PPP2R5A: variants seen among roughly 807,000 people sequenced by gnomAD.
PPP2R5A encodes the protein serine/threonine-protein phosphatase 2A 56 kDa regulatory subunit alpha isoform.
PPP2R5A carries 25 observed loss-of-function variants against 64.2 expected under a neutral mutation model. That is an observed-to-expected ratio of 0.39 (90% confidence interval 0.28 to 0.54). The LOEUF (loss-of-function observed/expected upper bound fraction) is 0.54, where lower values mean the gene tolerates loss of function less well. PPP2R5A is among the 20% of genes least tolerant of loss of function. The probability of loss-of-function intolerance (pLI) is 0.67; values close to 1 mark genes in which losing one functional copy is unlikely to be tolerated. For synonymous variants in PPP2R5A, 198 were observed against 201.2 expected (o/e 0.98, Z 0.13); for missense variants, 425 against 576.3 (o/e 0.74, Z 2.69).
At chr1:212,342,152 C>T (rs1374865839) in intron 3 of PPP2R5A, 36 bp from the exon 4 acceptor site, 4 of 1,605,786 alleles carry the variant, frequency 2.5e-6, no homozygotes, top group Non-Finnish European at 3.4e-6. Context: ...TATTCTGTAG[C>T]CATCATCTTA....
intron 4 of PPP2R5A, among the ~76,000 whole-genome samples, chr1:212,345,347 G>A (rs574852576): frequency 1.3e-5 from 2 of 152,168 alleles, no homozygotes; most frequent in South Asian, 2.1e-4. Context: ...CTTAGTATAT[G>A]TACATCTTTC....
chr1:212,344,537 GC>G (rs2102442211), intron 4 of PPP2R5A, among the ~76,000 whole-genome samples: 1 of 152,268 alleles, frequency 6.6e-6, no homozygotes. Context: ...TTCAGAGCTT[GC>G]TATCTTTATT....
At chr1:212,304,580 G>C (rs931870844) in intron 1 of PPP2R5A, among the ~76,000 whole-genome samples, 1 of 151,918 alleles carries the variant, frequency 6.6e-6, no homozygotes, top group African/African-American at 2.4e-5. Context: ...ATGGGGTCTC[G>C]CTATGTTGCC....
chr1:212,290,102 T>C (rs191536937), intron 1 of PPP2R5A, among the ~76,000 whole-genome samples: 10 of 152,310 alleles, frequency 6.6e-5, no homozygotes, highest in Non-Finnish European at 1.5e-5. Flanking sequence ...GGTAAAACTT[T>C]CCCAAGTAGC....
intron 1 of PPP2R5A, among the ~76,000 whole-genome samples, chr1:212,288,162 A>G (rs745976660): frequency 4.6e-5 from 7 of 152,116 alleles, no homozygotes; most frequent in Admixed American, 6.5e-5. Flanking sequence ...GATTACAGGC[A>G]TGTGTCACCA....
chr1:212,355,164 T>C (rs1428257152), intron 8 of PPP2R5A, among the ~76,000 whole-genome samples: 4 of 152,230 alleles, frequency 2.6e-5, no homozygotes, highest in East Asian at 1.9e-4. Flanking sequence ...TTGTGAAAAG[T>C]ACCTTTTTAT....
intron 8 of PPP2R5A, among the ~76,000 whole-genome samples, chr1:212,355,435 C>G (rs892915397): frequency 1.3e-5 from 2 of 152,118 alleles, no homozygotes; most frequent in African/African-American, 4.8e-5. Flanking sequence ...AATTAGTGTT[C>G]CACATTACTG....
chr1:212,329,896 G>A (rs1033596111), intron 2 of PPP2R5A, among the ~76,000 whole-genome samples: 4 of 152,182 alleles, frequency 2.6e-5, no homozygotes, highest in South Asian at 2.1e-4. Context: ...GACCTGCCGC[G>A]GCCTCTGAAA....
At chr1:212,316,322 A>G (rs913568611) in intron 1 of PPP2R5A, among the ~76,000 whole-genome samples, 1 of 152,232 alleles carries the variant, frequency 6.6e-6, no homozygotes, top group African/African-American at 2.4e-5. Flanking sequence ...CATGAATGAT[A>G]GGAAAGCAAA....
chr1:212,325,280 T>C lies in PPP2R5A; in HGVS notation c.182-3855T>C, dbSNP rs1451512509. Reference sequence around the variant, plus strand: ...AGAGATGGGAGAGATCATTGTATCCTGACCTACCTAAGGGAAATTTTGTGG... The same window carrying C: ...AGAGATGGGAGAGATCATTGTATCCCGACCTACCTAAGGGAAATTTTGTGG... On this transcript the variant is annotated intron_variant, in intron 1 of 12. Transcript: ENST00000261461. Among the ~76,000 whole-genome samples, 3 of 152,334 alleles carry C rather than the reference T, an allele frequency of 2.0e-5. No homozygotes were observed. The East Asian group carries it at 5.8e-4, about 29-fold the overall frequency.
chr1:212,304,739 T>G (rs970895807), intron 1 of PPP2R5A, among the ~76,000 whole-genome samples: 2 of 148,984 alleles, frequency 1.3e-5, no homozygotes, highest in African/African-American at 4.9e-5. Context: ...CAGTTTTTTT[T>G]TTTTTTTTTT....
intron 1 of PPP2R5A, among the ~76,000 whole-genome samples, chr1:212,320,823 A>G (rs1326380901): frequency 1.8e-3 from 139 of 79,290 alleles, no homozygotes; most frequent in Admixed American, 2.3e-3. Context: ...TGACCCCCCC[A>G]CCTCCCTCCT....
chr1:212,338,485 C>T (rs1382836183), intron 3 of PPP2R5A, among the ~76,000 whole-genome samples: 2 of 152,032 alleles, frequency 1.3e-5, no homozygotes, highest in African/African-American at 4.8e-5. Context: ...CGCAGTGGCT[C>T]ACGCCCACTT....
At chr1:212,344,684 A>T (rs548547056) in intron 4 of PPP2R5A, among the ~76,000 whole-genome samples, 1 of 152,280 alleles carries the variant, frequency 6.6e-6, no homozygotes, top group Non-Finnish European at 1.5e-5. Context: ...GACAGAAGAA[A>T]TTAAGTTTCT....
At chr1:212,288,551 C>A (rs1175813429) in intron 1 of PPP2R5A, among the ~76,000 whole-genome samples, 2 of 151,610 alleles carry the variant, frequency 1.3e-5, no homozygotes, top group Non-Finnish European at 2.9e-5. Flanking sequence ...GAAATAAGAC[C>A]CTTACTTGGA....
chr1:212,359,079 A>T (rs886385965), intron 12 of PPP2R5A, among the ~76,000 whole-genome samples: 6 of 152,266 alleles, frequency 3.9e-5, no homozygotes, highest in Non-Finnish European at 7.3e-5. Flanking sequence ...AATGTGGATC[A>T]TAAATCCTGT....
chr1:212,289,633 A>G (rs1029995896), intron 1 of PPP2R5A, among the ~76,000 whole-genome samples: 27 of 152,146 alleles, frequency 1.8e-4, no homozygotes, highest in Non-Finnish European at 3.5e-4. Context: ...CTTATCTGTA[A>G]AATGGGGATA....
intron 4 of PPP2R5A, among the ~76,000 whole-genome samples, chr1:212,345,250 A>G (rs951445394): frequency 3.3e-5 from 5 of 151,984 alleles, no homozygotes; most frequent in African/African-American, 1.2e-4. Context: ...GTATCTGCCA[A>G]TATTTTATTC....
intron 1 of PPP2R5A, chr1:212,301,705 G>A: frequency 1.8e-6 from 1 of 565,582 alleles, no homozygotes; most frequent in Non-Finnish European, 2.3e-6. Flanking sequence ...TAGGGGTATT[G>A]CCAAAAAAAG....
Sources: gnomAD v4.1 joint callset for allele counts (sites outside exome capture counted in the v4.1 genomes callset) on GRCh38, gnomAD v4.1.1 for gene constraint, MANE v1.5 for transcripts, NCBI Gene and HGNC (gene_info 2026-07-23, HGNC 2026-07-21) for gene names.